The following G2E3 variants were observed in gnomAD, a reference collection of about 807,000 sequenced individuals.
The protein encoded by G2E3 is G2/M phase-specific E3 ubiquitin-protein ligase.
G2E3 carries 35 observed loss-of-function variants against 92.8 expected under a neutral mutation model. The observed-to-expected ratio is 0.38, with a 90% CI of 0.29 to 0.50. The LOEUF (loss-of-function observed/expected upper bound fraction) is 0.50. G2E3 is among the 20% of genes least tolerant of loss of function. The probability of loss-of-function intolerance (pLI) is 0.94; values close to 1 mark genes in which losing one functional copy is unlikely to be tolerated. For missense variants in G2E3, 554 were observed against 823.8 expected, an observed-to-expected ratio of 0.67 and a Z score of 4.01; for synonymous variants, 242 against 272.4, an observed-to-expected ratio of 0.89 and a Z score of 1.10.
chr14:30,585,726 T>C (rs1880679411), intron 2 of G2E3, among the ~76,000 whole-genome samples: 1 of 152,070 alleles, frequency 6.6e-6, no homozygotes, highest in Admixed American at 6.5e-5. Context: ...TTTTTTTGTT[T>C]CTTCTGCTAG....
At chr14:30,561,988 C>G (rs1879129083) in intron 1 of G2E3, among the ~76,000 whole-genome samples, 1 of 151,892 alleles carries the variant, frequency 6.6e-6, no homozygotes, top group Admixed American at 6.6e-5. Flanking sequence ...GAGGACATTT[C>G]AAGTGGCAAA....
chr14:30,592,349 T>C lies in G2E3; in HGVS notation c.264T>C (p.Gly88=), dbSNP rs777635246. 1 of 1,612,406 alleles carries C rather than the reference T, an allele frequency of 6.2e-7. No homozygotes were observed. Among genetic ancestry groups the C allele is most frequent in the South Asian group, 1.1e-5 (1 of 90,996 alleles). ...KLKCCVCKKN[G]ASIGCVAPRC... ...AATGCTGTGTTTGCAAGAAAAATGG[T>C]GCTTCAATTGGATGTGTTGCACCCC... The change falls in exon 5 of 15, where the codon GGT becomes GGC. Residue 88 remains glycine (G), a synonymous_variant. Coordinates refer to ENST00000206595, the MANE Select transcript of G2E3 (RefSeq NM_017769.5).
chr14:30,570,446 G>T (rs899950236), intron 1 of G2E3, among the ~76,000 whole-genome samples: 1 of 151,952 alleles, frequency 6.6e-6, no homozygotes, highest in Non-Finnish European at 1.5e-5. Flanking sequence ...ACTTTCTCCG[G>T]TCCCTCTTGG....
chr14:30,598,459 C>T, intron 7 of G2E3, 24 bp from the exon 8 acceptor site: 4 of 1,342,538 alleles, frequency 3.0e-6, no homozygotes, highest in Non-Finnish European at 3.2e-6. Flanking sequence ...TAGGTCAAAG[C>T]ATATTTTATA....
In G2E3 at chr14:30,612,334, T is replaced by C. The variant is rs1215829173; in HGVS notation, c.1628T>C (p.Ile543Thr). The C allele has an allele frequency of 6.2e-7, 1 of 1,608,512 alleles. No individual in the cohort carries two copies. Among genetic ancestry groups the C allele is most frequent in the Non-Finnish European group, 8.5e-7 (1 of 1,176,038 alleles). ...GATAAATATATGTTAGTAAAAGACA[T>C]ACTTGGCTACCATGTAATTCAGAGA... ...LSDKYMLVKD[I>T]LGYHVIQRVH... is the part of the protein sequence containing the mutation. Residue 543 changes from isoleucine to threonine, a missense_variant, in exon 13 of 15, where the codon ATA (isoleucine) becomes ACA (threonine). Coordinates refer to ENST00000206595, the MANE Select transcript of G2E3 (RefSeq NM_017769.5).
Position 30,605,583 on chromosome 14 carries a change from A to T in G2E3, c.1089A>T (p.Arg363Ser), listed in dbSNP as rs745834577. Residue 363 changes from arginine (R) to serine (S), a missense_variant, in exon 11 of 15, where the codon AGA becomes AGT. This residue lies in a region of G2E3 where 397 missense variants were observed against 560.3 expected (regional missense o/e 0.71). Coordinates refer to ENST00000206595, the MANE Select transcript of G2E3 (RefSeq NM_017769.5). ...TCCAAATTAAAAAAAAAACTAAAAG[A>T]TTGTATATCAACAAAGCCAATATCT... ...LGFQIKKKTK[R>S]LYINKANIWN... is the part of the protein sequence containing the mutation. The T allele has an allele frequency of 4.6e-6, 7 of 1,518,824 alleles. No individual in the cohort carries two copies. The South Asian group carries it at 8.3e-5, about 18-fold the overall frequency. The allele number at this position is 1,518,824 out of a possible 1,614,324, so 94.1% of individuals were successfully genotyped here. A position where few individuals can be genotyped will look rare whatever the true frequency, so the allele number is the denominator to read the frequency against.
chr14:30,586,919 C>T lies in G2E3; in HGVS notation c.135+104C>T, dbSNP rs914957273. 6.6e-5 allele frequency: 28 copies of T among 426,592 alleles called. 1 individual carries two copies. In the Admixed American group the frequency reaches 9.9e-4, roughly 15 times the overall value. The allele number at this position is 426,592 out of a possible 1,614,324, so 26.4% of individuals were successfully genotyped here. A position where few individuals can be genotyped will look rare whatever the true frequency, so the allele number is the denominator to read the frequency against. On this transcript the variant is annotated intron_variant, in intron 3 of 14. Coordinates refer to ENST00000206595, the MANE Select transcript of G2E3 (RefSeq NM_017769.5). ...AATTGGATAAGTCATTTAACTTCTCCAGATCTCATTTTGTCTATCTCTAAA... is the reference window on the plus strand; with the variant it reads ...AATTGGATAAGTCATTTAACTTCTCTAGATCTCATTTTGTCTATCTCTAAA...
intron 1 of G2E3, among the ~76,000 whole-genome samples, chr14:30,564,340 T>C (rs1461686181): frequency 1.3e-5 from 2 of 152,142 alleles, no homozygotes; most frequent in African/African-American, 2.4e-5. Flanking sequence ...TTTATAAAAT[T>C]AGCCATTTTA....
intron 1 of G2E3, among the ~76,000 whole-genome samples, chr14:30,569,011 A>G (rs1380197366): frequency 2.0e-5 from 3 of 152,164 alleles, no homozygotes; most frequent in African/African-American, 7.2e-5. Context: ...CCTTCTGAGA[A>G]ACAGCCATTC....
intron 1 of G2E3, among the ~76,000 whole-genome samples, chr14:30,580,692 G>A (rs1231597543): frequency 1.3e-5 from 2 of 152,146 alleles, no homozygotes; most frequent in Admixed American, 1.3e-4. Flanking sequence ...AATGGGCTTA[G>A]GTTCTAGGTT....
chr14:30,604,895 CATTCATT>C (rs1881751905), intron 10 of G2E3, among the ~76,000 whole-genome samples: 1 of 151,912 alleles, frequency 6.6e-6, no homozygotes, highest in Admixed American at 6.6e-5. Flanking sequence ...TTCATTCATT[CATTCATT>C]CATTCATTTA....
intron 13 of G2E3, among the ~76,000 whole-genome samples, chr14:30,614,265 T>G (rs1488181334): frequency 6.6e-6 from 1 of 152,232 alleles, no homozygotes; most frequent in African/African-American, 2.4e-5. Context: ...GCTCATTTTA[T>G]GCTGCTATAA....
intron 1 of G2E3, chr14:30,560,358 T>C (rs1320262157): frequency 1.9e-5 from 3 of 158,090 alleles, no homozygotes; most frequent in African/African-American, 7.2e-5. Flanking sequence ...CATTTAAATG[T>C]ATAAATATAT....
chr14:30,586,087 G>T (rs989600785), intron 2 of G2E3, among the ~76,000 whole-genome samples: 2 of 152,064 alleles, frequency 1.3e-5, no homozygotes, highest in African/African-American at 4.8e-5. Context: ...AATGTTTTTT[G>T]ACAAACAGCA....
At chr14:30,560,271 A>T (rs1196945523) in intron 1 of G2E3, 1 of 152,680 alleles carries the variant, frequency 6.5e-6, no homozygotes, top group Non-Finnish European at 1.5e-5. Context: ...CTTTATTAAA[A>T]ATCGTCAGTT....
chr14:30,580,903 T>G, intron 1 of G2E3, 173 bp from the exon 2 acceptor site: 1 of 561,158 alleles, frequency 1.8e-6, no homozygotes, highest in East Asian at 3.3e-5. Context: ...TGTTCCCGAC[T>G]CTTAACACCC....
chr14:30,598,332 A>C (rs1594497727), intron 7 of G2E3, 151 bp from the exon 8 acceptor site: 1 of 538,608 alleles, frequency 1.9e-6, no homozygotes, highest in Non-Finnish European at 3.3e-6. Flanking sequence ...GGTTGCAGTG[A>C]CCTGAGATTG....
At chr14:30,590,805 T>G (rs1880967797) in intron 4 of G2E3, 1 of 453,580 alleles carries the variant, frequency 2.2e-6, no homozygotes, top group African/African-American at 2.0e-5. Flanking sequence ...CTGGTGATAG[T>G]GAGCTTGTGG....
chr14:30,593,568 C>T lies in G2E3; in HGVS notation c.457C>T (p.Pro153Ser). 1 of 1,594,120 alleles carries T rather than the reference C, an allele frequency of 6.3e-7. No homozygotes were observed. Among genetic ancestry groups the T allele is most frequent in the African/African-American group, 1.3e-5 (1 of 74,644 alleles). Residue 153 changes from proline (P) to serine (S), a missense_variant, in exon 6 of 15, where the codon CCT becomes TCT. Transcript: ENST00000206595. ...PCTICLEFIE[P>S]IPSYNILRSP... The stretch of plus-strand genomic sequence containing the variant: ...CACCATTTGCTTGGAATTTATTGAG[C>T]CTATTCCAAGTTATAACATATTACG...
Sources: gnomAD v4.1 joint callset for allele counts (sites outside exome capture counted in the v4.1 genomes callset) on GRCh38, gnomAD v4.1.1 for gene constraint, gnomAD v4.1.1 regional missense constraint, MANE v1.5 for transcripts, NCBI Gene and HGNC (gene_info 2026-07-23, HGNC 2026-07-21) for gene names.